Variants in SEMA6D observed in about 807,000 individuals in gnomAD.
SEMA6D encodes semaphorin-6D.
SEMA6D carries 35 observed loss-of-function variants against 106.6 expected under a neutral mutation model. The observed-to-expected ratio is 0.33, with a 90% confidence interval of 0.25 to 0.44. The LOEUF is 0.44. SEMA6D is among the 20% of genes least tolerant of loss of function. SEMA6D has a pLI of 1.00. For missense variants in SEMA6D, 1,185 were observed against 1,345.9 expected, an observed-to-expected ratio of 0.88 and a Z score of 1.87; for synonymous variants, 499 against 487.7, an observed-to-expected ratio of 1.02 and a Z score of -0.31.
chr15:47,678,692 A>G (rs1361596972), intron 4 of SEMA6D, among the ~76,000 whole-genome samples: 1 of 151,778 alleles, frequency 6.6e-6, no homozygotes, highest in African/African-American at 2.4e-5. Context: ...TTTAGCCATA[A>G]TATTTGTTCT....
intron 3 of SEMA6D, among the ~76,000 whole-genome samples, chr15:47,494,741 GATATAT>G (rs202139404): frequency 0.03 from 972 of 32,874 alleles, 15 homozygotes; most frequent in Non-Finnish European, 0.044. Flanking sequence ...GTGGGATGGA[GATATAT>G]ATATATATAT....
intron 3 of SEMA6D, among the ~76,000 whole-genome samples, chr15:47,517,784 C>T (rs2044436417): frequency 6.6e-6 from 1 of 152,158 alleles, no homozygotes; most frequent in African/African-American, 2.4e-5. Context: ...TTATAACCCT[C>T]GATAGACTGA....
At chr15:47,341,390 AAAAC>A (rs1156561884) in intron 1 of SEMA6D, among the ~76,000 whole-genome samples, 4 of 152,190 alleles carry the variant, frequency 2.6e-5, no homozygotes, top group Admixed American at 1.3e-4. Flanking sequence ...ACTGTCTCAA[AAAAC>A]AAACAGACAA....
chr15:47,269,003 C>T (rs528126009), intron 1 of SEMA6D, among the ~76,000 whole-genome samples: 2 of 152,186 alleles, frequency 1.3e-5, no homozygotes, highest in East Asian at 3.9e-4. Context: ...TTAGTATTTT[C>T]AGCAAAAACA....
At chr15:47,622,869 G>T (rs2077133140) in intron 4 of SEMA6D, among the ~76,000 whole-genome samples, 1 of 152,162 alleles carries the variant, frequency 6.6e-6, no homozygotes, top group African/African-American at 2.4e-5. Flanking sequence ...TTCTGCAAGA[G>T]CAGTTCCAGA....
At chr15:47,386,974 T>C (rs1174591959) in intron 1 of SEMA6D, among the ~76,000 whole-genome samples, 1 of 152,214 alleles carries the variant, frequency 6.6e-6, no homozygotes, top group Non-Finnish European at 1.5e-5. Context: ...ACACTGTCAT[T>C]GTGGGTGTTG....
intron 4 of SEMA6D, among the ~76,000 whole-genome samples, chr15:47,696,329 C>A (rs1157982569): frequency 7.2e-5 from 11 of 152,172 alleles, no homozygotes; most frequent in Admixed American, 7.2e-4. Flanking sequence ...TTCTGTAAGT[C>A]TCCTGAGCAA....
At chr15:47,339,332 G>A (rs943788030) in intron 1 of SEMA6D, 4 of 152,172 alleles carry the variant, frequency 2.6e-5, no homozygotes, top group African/African-American at 9.7e-5. Flanking sequence ...ACTGGTATCT[G>A]GTGGGGAGGG....
chr15:47,228,137 T>TACACACAC lies in SEMA6D; in HGVS notation c.-239+43739_-239+43746dup, dbSNP rs72361942. On this transcript the variant is annotated intron_variant, in intron 1 of 19. Transcript: ENST00000558014. The stretch of plus-strand genomic sequence containing the variant: ...AAGAATTCATATATATGTGTGTGTG[T>TACACACAC]ACACACACACACACACACACACACA... 5.6e-3 allele frequency among the ~76,000 whole-genome samples: 753 copies of TACACACAC among 135,072 alleles called. 7 individuals are homozygous for TACACACAC. The highest frequency in any genetic ancestry group is 0.018 in the East Asian group (82 of 4,550). The allele number at this position is 135,072 out of a possible 152,430, so 88.6% of individuals were successfully genotyped here.
intron 4 of SEMA6D, among the ~76,000 whole-genome samples, chr15:47,681,822 C>T (rs775787359): frequency 6.6e-6 from 1 of 152,026 alleles, no homozygotes; most frequent in African/African-American, 2.4e-5. Flanking sequence ...TTGTTGTTAT[C>T]GTAAATTGTA....
chr15:47,215,455 C>T (rs945893827), intron 1 of SEMA6D, among the ~76,000 whole-genome samples: 10 of 151,994 alleles, frequency 6.6e-5, no homozygotes, highest in African/African-American at 2.4e-4. Context: ...AAATGAGTAA[C>T]ACAAATATGC....
At chr15:47,423,476 A>AG (rs1358755693) in intron 2 of SEMA6D, among the ~76,000 whole-genome samples, 1 of 152,090 alleles carries the variant, frequency 6.6e-6, no homozygotes, top group Non-Finnish European at 1.5e-5. Flanking sequence ...TTATTTAATA[A>AG]CATACTTGAT....
At chr15:47,568,288 C>A (rs184596041) in intron 3 of SEMA6D, among the ~76,000 whole-genome samples, 1 of 151,566 alleles carries the variant, frequency 6.6e-6, no homozygotes, top group African/African-American at 2.4e-5. Context: ...TGGCTATGAT[C>A]ATCTTTGTAG....
intron 1 of SEMA6D, among the ~76,000 whole-genome samples, chr15:47,269,348 A>G (rs1286728790): frequency 6.6e-6 from 1 of 152,068 alleles, no homozygotes; most frequent in Non-Finnish European, 1.5e-5. Context: ...TAGAATTTAA[A>G]TAACAATGTA....
intron 4 of SEMA6D, among the ~76,000 whole-genome samples, chr15:47,674,020 A>G (rs899195728): frequency 6.6e-6 from 1 of 151,860 alleles, no homozygotes; most frequent in African/African-American, 2.4e-5. Context: ...GGTTTGTCTC[A>G]TGTTGTCCCC....
chr15:47,659,674 A>G (rs187962081), intron 4 of SEMA6D, among the ~76,000 whole-genome samples: 50 of 152,234 alleles, frequency 3.3e-4, no homozygotes, highest in African/African-American at 1.0e-3. Context: ...TTTGCAGCCC[A>G]TGACAAAGGT....
intron 3 of SEMA6D, among the ~76,000 whole-genome samples, chr15:47,474,676 C>T (rs1437887907): frequency 3.9e-5 from 6 of 152,126 alleles, no homozygotes; most frequent in Admixed American, 3.9e-4. Flanking sequence ...ACTAAGTCTT[C>T]GTTATATTTG....
At chr15:47,201,775 C>A (rs545100593) in intron 1 of SEMA6D, among the ~76,000 whole-genome samples, 2 of 152,110 alleles carry the variant, frequency 1.3e-5, no homozygotes, top group Non-Finnish European at 2.9e-5. Context: ...GAATGCTGGA[C>A]AATTGATTTA....
chr15:47,416,277 T>C (rs1018716997), intron 2 of SEMA6D, among the ~76,000 whole-genome samples: 1 of 152,068 alleles, frequency 6.6e-6, no homozygotes, highest in African/African-American at 2.4e-5. Context: ...ACCAATTTGT[T>C]CTCCCAAGAG....
Sources: gnomAD v4.1 joint callset for allele counts (sites outside exome capture counted in the v4.1 genomes callset) on GRCh38, gnomAD v4.1.1 for gene constraint, MANE v1.5 for transcripts, NCBI Gene and HGNC (gene_info 2026-07-23, HGNC 2026-07-21) for gene names.